Variants in C1orf167 observed in about 807,000 individuals in gnomAD.
The protein encoded by C1orf167 is chromosome 1 open reading frame 167, also known as uncharacterized protein C1orf167.
In C1orf167, 153 loss-of-function variants were observed where a neutral mutation model predicts 176.5. That is an observed-to-expected ratio of 0.87 (90% confidence interval 0.76 to 0.99). C1orf167 has a LOEUF of 0.99. C1orf167 is among the 50% of genes least tolerant of loss of function. C1orf167 has a pLI of 0.00. For missense variants in C1orf167, 1,490 were observed against 1,817.7 expected (o/e 0.82, Z 3.28); for synonymous variants, 594 against 752.7 (o/e 0.79, Z 3.45).
chr1:11,767,062 G>A lies in C1orf167; in HGVS notation c.1276G>A (p.Val426Ile), dbSNP rs1471422033. Reference protein sequence around the residue: ...ERTAFHLSDTVPASSASKNKA... With the variant: ...ERTAFHLSDTIPASSASKNKA... ...GACAGCTTTCCATCTGTCAGACACAGTCCCAGCGAGCAGTGCGTCGAAGGT... is the reference window on the plus strand; with the variant it reads ...GACAGCTTTCCATCTGTCAGACACAATCCCAGCGAGCAGTGCGTCGAAGGT... Residue 426 changes from valine to isoleucine, a missense_variant, in exon 3 of 21, where the codon GTC (valine) becomes ATC (isoleucine). Val to Ile is a conservative substitution (Grantham distance 29, BLOSUM62 3). Transcript: ENST00000688073. The A allele has an allele frequency of 6.5e-6, 8 of 1,232,702 alleles. No individual in the cohort carries two copies. The highest frequency in any genetic ancestry group is 8.3e-6 in the Non-Finnish European group (8 of 958,508). 76.4% of individuals were successfully genotyped at this position (1,232,702 alleles called of 1,614,324 possible). A position where few individuals can be genotyped will look rare whatever the true frequency, so the allele number is the denominator to read the frequency against.
intron 14 of C1orf167, among the ~76,000 whole-genome samples, chr1:11,783,503 TC>T (rs1279456357): frequency 6.6e-6 from 1 of 152,134 alleles, no homozygotes; most frequent in Non-Finnish European, 1.5e-5. Flanking sequence ...CGCCTCTGCC[TC>T]CCAAAATGCT....
chr1:11,771,447 GGGTGGGGCGGACA>G (rs1643072516), intron 6 of C1orf167, 64 bp from the exon 7 acceptor site: 1 of 889,758 alleles, frequency 1.1e-6, no homozygotes, highest in African/African-American at 1.7e-5. Context: ...CACCTGCCTG[GGGTGGGGCGGACA>G]GGTTGGGACC....
At chr1:11,783,998 C>G (rs1643714829) in intron 14 of C1orf167, among the ~76,000 whole-genome samples, 176 bp from the exon 15 acceptor site, 1 of 152,182 alleles carries the variant, frequency 6.6e-6, no homozygotes, top group African/African-American at 2.4e-5. Flanking sequence ...GCTGGGATTA[C>G]AGGTGCCCAC....
chr1:11,764,352 C>G lies in C1orf167; in HGVS notation c.-49C>G, dbSNP rs905288345. 9.6e-6 allele frequency: 12 copies of G among 1,251,596 alleles called. No homozygotes were observed. Among genetic ancestry groups the G allele is most frequent in the African/African-American group, 1.5e-5 (1 of 65,266 alleles). The allele number at this position is 1,251,596 out of a possible 1,614,324, so 77.5% of individuals were successfully genotyped here. On this transcript the variant is annotated 5_prime_UTR_variant, in exon 2 of 21. Transcript: ENST00000688073. ...GCAGGGCCCATCTGATTAAACAGAC[C>G]AGGCCACTCACTGTGGAGTGGACCA...
At chr1:11,774,696 A>C (rs1010266687) in intron 8 of C1orf167, among the ~76,000 whole-genome samples, 14 of 152,236 alleles carry the variant, frequency 9.2e-5, no homozygotes, top group African/African-American at 3.4e-4. Context: ...GAGATTGGAA[A>C]AATCTGTGGG....
At position 11,789,489 on chromosome 1, in the gene C1orf167, C is replaced by T. The variant is rs1166599057; in HGVS notation, c.*43C>T. 6 of 1,290,704 alleles carry T rather than the reference C, an allele frequency of 4.6e-6. No homozygotes were observed. The highest frequency in any genetic ancestry group is 1.5e-5 in the African/African-American group (1 of 65,440). The allele number at this position is 1,290,704 out of a possible 1,614,324, so 80.0% of individuals were successfully genotyped here. A position where few individuals can be genotyped will look rare whatever the true frequency, so the allele number is the denominator to read the frequency against. ...AAAAACAGAACTGAACTTAGCCTTC[C>T]CAGGGAAGGAACCATGCCCCACACA... On this transcript the variant is annotated 3_prime_UTR_variant, in exon 21 of 21. Coordinates refer to ENST00000688073, the MANE Select transcript of C1orf167 (RefSeq NM_001010881.2).
intron 8 of C1orf167, among the ~76,000 whole-genome samples, chr1:11,775,056 G>A (rs892273825): frequency 2.0e-5 from 3 of 152,250 alleles, no homozygotes; most frequent in African/African-American, 4.8e-5. Flanking sequence ...AGGCCAAGAC[G>A]GCCGGATCAC....
chr1:11,783,209 CTG>C (rs894036760), intron 14 of C1orf167, among the ~76,000 whole-genome samples: 23 of 152,232 alleles, frequency 1.5e-4, no homozygotes, highest in Middle Eastern at 3.4e-3. Flanking sequence ...TGGCTGACGT[CTG>C]TGCTTTTGCA....
chr1:11,768,025 C>A lies in C1orf167; in HGVS notation c.1344-52C>A. ...GAGGGTATCCAGCCACTGGGCTGTC[C>A]CTGGGGATAGGAGGGCAGTCCACAC... On this transcript the variant is annotated intron_variant, in intron 4 of 20. Transcript: ENST00000688073. This position sits in a 1 kb window ranked among gnomAD's most constrained non-coding sequence, Gnocchi z 4.5. The A allele has an allele frequency of 8.2e-7, 1 of 1,216,622 alleles. No individual in the cohort carries two copies. The highest frequency in any genetic ancestry group is 2.8e-5 in the Admixed American group (1 of 35,932). The allele number at this position is 1,216,622 out of a possible 1,614,324, so 75.4% of individuals were successfully genotyped here.
intron 16 of C1orf167, 81 bp downstream of exon 16, chr1:11,785,370 C>A: frequency 8.4e-7 from 1 of 1,186,020 alleles, no homozygotes; most frequent in South Asian, 1.5e-5. Context: ...ACGCCCCAGC[C>A]CCTTGGAAAC....
intron 1 of C1orf167, among the ~76,000 whole-genome samples, chr1:11,763,817 G>C (rs1228614459): frequency 6.6e-6 from 1 of 152,206 alleles, no homozygotes; most frequent in Non-Finnish European, 1.5e-5. Context: ...TGCTCCAGGG[G>C]TCAGATCCTG....
At position 11,784,540 on chromosome 1, in the gene C1orf167, G is replaced by A. The variant is rs1423544114; in HGVS notation, c.3372G>A (p.Glu1124=). 6.2e-6 allele frequency: 8 copies of A among 1,293,556 alleles called. No homozygotes were observed. The highest frequency in any genetic ancestry group is 8.1e-6 in the Non-Finnish European group (8 of 983,664). The allele number at this position is 1,293,556 out of a possible 1,614,324, so 80.1% of individuals were successfully genotyped here. A position where few individuals can be genotyped will look rare whatever the true frequency, so the allele number is the denominator to read the frequency against. Residue 1124 remains glutamate (E), a synonymous_variant, in exon 15 of 21, where the codon GAG becomes GAA. Transcript: ENST00000688073. The stretch of plus-strand genomic sequence containing the variant: ...GGTGCTGGGCTCTGTGGGTGCATGA[G>A]TCCTGTCGGGGCCAGGTCAGCCGAG... ...WTWCWALWVH[E]SCRGQVSRAH...
chr1:11,789,218 G>C (rs1018307405), intron 20 of C1orf167, 52 bp from the exon 21 acceptor site: 2 of 1,293,826 alleles, frequency 1.5e-6, no homozygotes, highest in Admixed American at 4.7e-5. Flanking sequence ...GCACAGCACA[G>C]ACCCCGGAGA....
Position 11,781,485 on chromosome 1 carries a change from G to A in C1orf167, c.2861-704G>A, listed in dbSNP as rs367601245. On this transcript the variant is annotated intron_variant, in intron 13 of 20. Coordinates refer to ENST00000688073, the MANE Select transcript of C1orf167 (RefSeq NM_001010881.2). The stretch of plus-strand genomic sequence containing the variant: ...ACATATCGCATTAATGAGCTGGCAG[G>A]CAGGGCTGTGGTGGTTCTAGAAAGT... Among the ~76,000 whole-genome samples the A allele has an allele frequency of 1.6e-4, 24 of 152,342 alleles. 3 individuals are homozygous for A. Among genetic ancestry groups the A allele is most frequent in the Admixed American group, 5.2e-4 (8 of 15,302 alleles).
intron 1 of C1orf167, among the ~76,000 whole-genome samples, chr1:11,762,962 G>A (rs143922294): frequency 2.6e-5 from 4 of 152,312 alleles, no homozygotes; most frequent in African/African-American, 7.2e-5. Context: ...AGAGACAGTG[G>A]GCAGGGAGGG....
chr1:11,779,826 G>C lies in C1orf167; in HGVS notation c.2676G>C (p.Trp892Cys). The C allele has an allele frequency of 7.7e-7, 1 of 1,302,486 alleles. No homozygotes were observed. Among genetic ancestry groups the C allele is most frequent in the Non-Finnish European group, 1.0e-6 (1 of 988,384 alleles). The allele number at this position is 1,302,486 out of a possible 1,614,324, so 80.7% of individuals were successfully genotyped here. A position where few individuals can be genotyped will look rare whatever the true frequency, so the allele number is the denominator to read the frequency against. ...GCATCTTCCTCAGCTGGAGCCGCTGGGCAACAGCCCAATGGGCCTGGAGAG... is the reference window on the plus strand; with the variant it reads ...GCATCTTCCTCAGCTGGAGCCGCTGCGCAACAGCCCAATGGGCCTGGAGAG... ...QRRIFLSWSRWATAQWAWREL... is the reference protein window; with the variant it reads ...QRRIFLSWSRCATAQWAWREL... The change falls in exon 13 of 21, where the codon TGG (tryptophan) becomes TGC (cysteine). Residue 892 changes from tryptophan to cysteine, a missense_variant. Coordinates refer to ENST00000688073, the MANE Select transcript of C1orf167 (RefSeq NM_001010881.2).
At chr1:11,763,082 T>C (rs1642595137) in intron 1 of C1orf167, among the ~76,000 whole-genome samples, 1 of 152,028 alleles carries the variant, frequency 6.6e-6, no homozygotes, top group Admixed American at 6.5e-5. Context: ...GGCTGGTGTG[T>C]GTGGAGGACA....
intron 9 of C1orf167, among the ~76,000 whole-genome samples, chr1:11,776,126 G>A (rs6659287): frequency 0.57 from 85,904 of 152,012 alleles, 25,371 homozygotes; most frequent in East Asian, 0.77. Context: ...GTGTGGTGGC[G>A]CATGCCTGTA....
intron 7 of C1orf167, 30 bp from the exon 8 acceptor site, chr1:11,772,052 C>T (rs775719792): frequency 3.1e-6 from 4 of 1,284,420 alleles, no homozygotes; most frequent in South Asian, 1.3e-5. Flanking sequence ...CTTACTCTCT[C>T]TTTTCTCTCC....
Sources: allele counts gnomAD v4.1 joint callset (sites outside exome capture counted in the v4.1 genomes callset), GRCh38; gene constraint gnomAD v4.1.1; non-coding constraint Gnocchi (gnomAD v3.1); transcripts MANE v1.5; gene names NCBI Gene and HGNC (gene_info 2026-07-23, HGNC 2026-07-21).